The following CNGB3 variants were observed in gnomAD, a reference collection of about 807,000 sequenced individuals.
CNGB3 encodes cyclic nucleotide gated channel subunit beta 3.
CNGB3 carries 86 observed loss-of-function variants against 92.8 expected under a neutral mutation model. The ratio of observed to expected loss-of-function variants is 0.93; its 90% CI spans 0.78 to 1.11. The LOEUF (loss-of-function observed/expected upper bound fraction) is 1.11. Ranked by LOEUF, CNGB3 falls within the 50% of genes least tolerant of loss-of-function variation. CNGB3 has a pLI of 0.00. For synonymous variants in CNGB3, 333 were observed against 332.7 expected (o/e 1.00, Z -0.01); for missense variants, 1,026 against 956.8 (o/e 1.07, Z -0.95).
At chr8:86,651,158 G>C (rs867233590) in intron 7 of CNGB3, among the ~76,000 whole-genome samples, 2 of 151,410 alleles carry the variant, frequency 1.3e-5, no homozygotes, top group African/African-American at 4.8e-5. Flanking sequence ...AAGACCAGAA[G>C]GGGGGGTGTG....
chr8:86,657,238 A>T, intron 6 of CNGB3: 1 of 208,230 alleles, frequency 4.8e-6, no homozygotes, highest in Non-Finnish European at 9.7e-6. Context: ...AAGGGTCTGC[A>T]CTTGTTTGTC....
At chr8:86,664,451 C>A (rs553523451) in intron 6 of CNGB3, among the ~76,000 whole-genome samples, 1 of 152,136 alleles carries the variant, frequency 6.6e-6, no homozygotes, top group Non-Finnish European at 1.5e-5. Flanking sequence ...TCTGTGCAGC[C>A]CTTGCTGAGC....
At chr8:86,602,148 T>C (rs952846120) in intron 15 of CNGB3, among the ~76,000 whole-genome samples, 7 of 152,190 alleles carry the variant, frequency 4.6e-5, no homozygotes, top group African/African-American at 1.7e-4. Flanking sequence ...ACAGTGATTA[T>C]TAAGTCACAA....
chr8:86,608,740 T>C (rs1822460955), intron 14 of CNGB3, among the ~76,000 whole-genome samples: 1 of 152,222 alleles, frequency 6.6e-6, no homozygotes, highest in Non-Finnish European at 1.5e-5. Context: ...CCTCTCCCTC[T>C]CTGCCTCGGC....
chr8:86,647,697 A>G lies in CNGB3; in HGVS notation c.990+104T>C, dbSNP rs1454710631. 8.3e-6 allele frequency: 6 copies of G among 723,190 alleles called. No homozygotes were observed. The Admixed American group carries it at 1.2e-4, about 15-fold the overall frequency. 44.8% of individuals were successfully genotyped at this position (723,190 alleles called of 1,614,324 possible). A position where few individuals can be genotyped will look rare whatever the true frequency, so the allele number is the denominator to read the frequency against. The stretch of plus-strand genomic sequence containing the variant: ...GAAGAGTTTGGGAAAAATTAAGAAT[A>G]TTGATCATTTTAAGATACTTTAAAT... On this transcript the variant is annotated intron_variant, in intron 8 of 17. Transcript: ENST00000320005.
At chr8:86,743,102 G>C (rs1269837742) in intron 1 of CNGB3, among the ~76,000 whole-genome samples, 2 of 152,120 alleles carry the variant, frequency 1.3e-5, no homozygotes, top group Admixed American at 6.5e-5. Context: ...TCAATTGAGA[G>C]CCAATAGGTT....
chr8:86,718,382 A>C (rs1265322484), intron 3 of CNGB3, among the ~76,000 whole-genome samples: 1 of 152,202 alleles, frequency 6.6e-6, no homozygotes, highest in Non-Finnish European at 1.5e-5. Flanking sequence ...CAAGGCTACT[A>C]TGAACACCTT....
intron 3 of CNGB3, among the ~76,000 whole-genome samples, chr8:86,684,496 T>C (rs1596028): frequency 0.69 from 104,509 of 151,888 alleles, 36,712 homozygotes; most frequent in African/African-American, 0.83. Context: ...TACTCCTGGG[T>C]ATTTATCCTG....
intron 11 of CNGB3, among the ~76,000 whole-genome samples, chr8:86,630,162 G>C (rs77036352): frequency 5.5e-4 from 84 of 152,216 alleles, no homozygotes; most frequent in Admixed American, 1.2e-3. Context: ...ATATCTTTTT[G>C]AGTCTCTTAC....
chr8:86,641,091 T>C (rs1441247), intron 10 of CNGB3, among the ~76,000 whole-genome samples: 7,609 of 152,014 alleles, frequency 0.05, 263 homozygotes, highest in South Asian at 0.1. Context: ...AGTGAACTCT[T>C]GTCATCCTCA....
chr8:86,603,086 G>A (rs1261162135), intron 15 of CNGB3, among the ~76,000 whole-genome samples: 2 of 152,024 alleles, frequency 1.3e-5, no homozygotes, highest in East Asian at 3.9e-4. Flanking sequence ...CAAATCTCAG[G>A]TCAAATATTA....
chr8:86,724,812 T>C (rs1234074379), intron 3 of CNGB3, among the ~76,000 whole-genome samples: 1 of 151,984 alleles, frequency 6.6e-6, no homozygotes, highest in Non-Finnish European at 1.5e-5. Context: ...GGAAGTAGTA[T>C]GTGCAAAAGC....
intron 2 of CNGB3, among the ~76,000 whole-genome samples, chr8:86,735,414 T>C (rs1825234374): frequency 6.6e-6 from 1 of 152,174 alleles, no homozygotes; most frequent in South Asian, 2.1e-4. Context: ...GTATGTATTA[T>C]AGTTTTCCAT....
chr8:86,718,013 T>C (rs1187484742), intron 3 of CNGB3, among the ~76,000 whole-genome samples: 1 of 151,998 alleles, frequency 6.6e-6, no homozygotes. Context: ...ATATCAAAAG[T>C]GGTGCGAAGA....
chr8:86,598,963 G>A (rs539234221), intron 15 of CNGB3, among the ~76,000 whole-genome samples: 1 of 152,126 alleles, frequency 6.6e-6, no homozygotes, highest in East Asian at 1.9e-4. Flanking sequence ...ACCCACTACA[G>A]GCATCACGTC....
At chr8:86,634,760 T>A (rs902711116) in intron 10 of CNGB3, among the ~76,000 whole-genome samples, 3 of 151,438 alleles carry the variant, frequency 2.0e-5, no homozygotes, top group African/African-American at 7.3e-5. Flanking sequence ...ACATTAGCAC[T>A]TTGGGTAACT....
chr8:86,680,788 G>A (rs1179713357), intron 3 of CNGB3, among the ~76,000 whole-genome samples: 3 of 152,146 alleles, frequency 2.0e-5, no homozygotes, highest in Non-Finnish European at 4.4e-5. Flanking sequence ...AAGTTGTGGG[G>A]TGAGGAGGGG....
intron 3 of CNGB3, among the ~76,000 whole-genome samples, chr8:86,673,341 A>T (rs1586008219): frequency 6.6e-6 from 1 of 152,314 alleles, no homozygotes; most frequent in Middle Eastern, 3.4e-3. Flanking sequence ...TTAGGCATGG[A>T]GAGTGATATG....
At chr8:86,637,835 C>T (rs892526790) in intron 10 of CNGB3, among the ~76,000 whole-genome samples, 7 of 152,086 alleles carry the variant, frequency 4.6e-5, no homozygotes, top group African/African-American at 1.7e-4. Flanking sequence ...GACATAGAGC[C>T]TTGCCATCAC....
Sources: gnomAD v4.1 joint callset for allele counts (sites outside exome capture counted in the v4.1 genomes callset) on GRCh38, gnomAD v4.1.1 for gene constraint, MANE v1.5 for transcripts, NCBI Gene and HGNC (gene_info 2026-07-23, HGNC 2026-07-21) for gene names.